SEMA3G: variants seen among roughly 807,000 people sequenced by gnomAD.
SEMA3G encodes the protein semaphorin 3G.
In SEMA3G, 70 loss-of-function variants were observed where a neutral mutation model predicts 86.2. The observed-to-expected ratio is 0.81, with a 90% confidence interval of 0.67 to 0.99. The LOEUF is 0.99. Among genes scored for constraint, SEMA3G ranks in the 50% least tolerant of loss-of-function variants. The pLI, the probability that SEMA3G is intolerant of heterozygous loss-of-function variation, is 0.00. For missense variants in SEMA3G, 1,002 were observed against 1,072.4 expected, an observed-to-expected ratio of 0.93 and a Z score of 0.92; for synonymous variants, 416 against 441.4, an observed-to-expected ratio of 0.94 and a Z score of 0.72.
rs1368266125 is a variant in SEMA3G at position 52,441,423 on chromosome 3, AG to A, written c.668-15del. On this transcript the variant is annotated splice_polypyrimidine_tract_variant and intron_variant, in intron 6 of 15. Transcript: ENST00000231721. ...CAAACCGGGGGTCTGGAAGGGTGAC[AG>A]GGTCATGCTGGGTGGAGGGGCCCCA... 14 of 1,612,378 alleles carry A rather than the reference AG, an allele frequency of 8.7e-6. No homozygotes were observed. Among genetic ancestry groups the A allele is most frequent in the Non-Finnish European group, 1.1e-5 (13 of 1,179,068 alleles).
intron 15 of SEMA3G, 122 bp from the exon 16 acceptor site, chr3:52,436,195 C>T (rs1236522957): frequency 6.9e-7 from 1 of 1,444,040 alleles, no homozygotes; most frequent in Non-Finnish European, 9.1e-7. Context: ...CCCTATTCTC[C>T]CCTTCCCAGG....
At chr3:52,436,887 G>C (rs1310411554) in intron 15 of SEMA3G, among the ~76,000 whole-genome samples, 1 of 152,186 alleles carries the variant, frequency 6.6e-6, no homozygotes, top group Non-Finnish European at 1.5e-5. Context: ...GCTGGAGGGA[G>C]AGCCCCTCCT....
chr3:52,441,034 GC>G lies in SEMA3G; in HGVS notation c.827del (p.Gly276AlafsTer6). 1.3e-6 allele frequency: 2 copies of G among 1,598,486 alleles called. No individual in the cohort carries two copies. ...VGRVCVNDAG[G>X]QRVLVNKWST... ...TCCATTTGTTCACCAGCACCCGCTG[GC>G]CCCCAGCATCATTCTGCAGGATAAG... On this transcript the variant is annotated frameshift_variant, in exon 8 of 16. Coordinates refer to ENST00000231721, the MANE Select transcript of SEMA3G (RefSeq NM_020163.3). LOFTEE classifies it high-confidence loss of function.
At position 52,440,400 on chromosome 3, in the gene SEMA3G, C is replaced by A. The variant is rs372287628; in HGVS notation, c.1120G>T (p.Val374Leu). The A allele has an allele frequency of 2.5e-6, 4 of 1,608,862 alleles. No individual in the cohort carries two copies. Among genetic ancestry groups the A allele is most frequent in the South Asian group, 1.1e-5 (1 of 90,384 alleles). ...QHQWGPYGGKVPFPRPGVCPS... is the reference protein window; with the variant it reads ...QHQWGPYGGKLPFPRPGVCPS... ...ACCACGCCAGGGCGAGGGAAGGGCACCTTGCCCCCATAGGGCCCCCACTGG... is the reference window on the plus strand; with the variant it reads ...ACCACGCCAGGGCGAGGGAAGGGCAACTTGCCCCCATAGGGCCCCCACTGG... Residue 374 changes from valine to leucine, a missense_variant, in exon 10 of 16, where the codon GTG (valine) becomes TTG (leucine). Coordinates refer to ENST00000231721, the MANE Select transcript of SEMA3G (RefSeq NM_020163.3).
At chr3:52,443,065 G>T in intron 1 of SEMA3G, 158 bp from the exon 2 acceptor site, 1 of 1,531,712 alleles carries the variant, frequency 6.5e-7, no homozygotes, top group Non-Finnish European at 8.7e-7. Flanking sequence ...TTCGGACCAT[G>T]GCTCCTGGGG....
chr3:52,443,253 G>A (rs370285703), intron 1 of SEMA3G, among the ~76,000 whole-genome samples: 3 of 152,186 alleles, frequency 2.0e-5, no homozygotes, highest in African/African-American at 7.2e-5. Context: ...AGAGCAAAGT[G>A]CTGGAAGATC....
At position 52,438,091 on chromosome 3, in the gene SEMA3G, A is replaced by G; in HGVS notation, c.1618T>C (p.Cys540Arg). Residue 540 changes from cysteine (C) to arginine (R), a missense_variant, in exon 14 of 16, where the codon TGT becomes CGT. Cys to Arg is a radical substitution (Grantham distance 180). Transcript: ENST00000231721. ...GTACAGGAGGCACCATCCCAGGCAC[A>G]GTATGGGTCCCGGGCCAGGCAGCAC... ...AECCLARDPY[C>R]AWDGASCTHY... 1 of 1,613,278 alleles carries G rather than the reference A, an allele frequency of 6.2e-7. No individual in the cohort carries two copies. The highest frequency in any genetic ancestry group is 8.5e-7 in the Non-Finnish European group (1 of 1,180,008).
rs41292358 is a variant in SEMA3G at position 52,441,596 on chromosome 3, G to C, written c.645C>G (p.Asp215Glu). Residue 215 changes from aspartate to glutamate, a missense_variant, in exon 6 of 16, where the codon GAC becomes GAG. Transcript: ENST00000231721. The stretch of plus-strand genomic sequence containing the variant: ...CACCGTGCAAGAGACTCTGGTCAGA[G>C]TCGGAACGCAGAGCTGGCCGAGGAC... ...SGGPRPALRS[D>E]SDQSLLHDPR... The C allele has an allele frequency of 1.3e-5, 21 of 1,613,514 alleles. No homozygotes were observed. The highest frequency in any genetic ancestry group is 1.8e-5 in the Non-Finnish European group (21 of 1,179,918).
rs992571455 is a variant in SEMA3G at position 52,440,210 on chromosome 3, C to T, written c.1144-112G>A. On this transcript the variant is annotated intron_variant, in intron 10 of 15. Transcript: ENST00000231721. ...GGACCTCTCTCACTGCAGGAGGGCT[C>T]TCCTCTTCCACTACACCCACCCCAC... 5 of 1,208,974 alleles carry T rather than the reference C, an allele frequency of 4.1e-6. No individual in the cohort carries two copies. The African/African-American group carries it at 7.7e-5, about 19-fold the overall frequency. The allele number at this position is 1,208,974 out of a possible 1,614,324, so 74.9% of individuals were successfully genotyped here.
chr3:52,438,473 T>C (rs1262776610), intron 13 of SEMA3G: 1 of 985,356 alleles, frequency 1.0e-6, no homozygotes, highest in Admixed American at 6.1e-5. Flanking sequence ...CTTTGCCCTC[T>C]ATCCCAGGGG....
At position 52,440,578 on chromosome 3, in the gene SEMA3G, C is replaced by G. The variant is rs1001778038; in HGVS notation, c.999-57G>C. Reference sequence around the variant, plus strand: ...GTGGCCATCAAGGACAAGAAGGGAACAGCCTGGTTCCATGGGCAGGACAGA... The same window carrying G: ...GTGGCCATCAAGGACAAGAAGGGAAGAGCCTGGTTCCATGGGCAGGACAGA... On this transcript the variant is annotated intron_variant, in intron 9 of 15. Transcript: ENST00000231721. 1.9e-6 allele frequency: 3 copies of G among 1,562,322 alleles called. No homozygotes were observed. In the South Asian group the frequency reaches 3.6e-5, roughly 19 times the overall value.
intron 14 of SEMA3G, 125 bp downstream of exon 14, chr3:52,437,840 TACACAG>T: frequency 9.0e-7 from 1 of 1,116,164 alleles, no homozygotes; most frequent in Non-Finnish European, 1.3e-6. Flanking sequence ...TAGCAGGAGC[TACACAG>T]AGAGGGAAAC....
chr3:52,436,548 A>G (rs1706052460), intron 15 of SEMA3G, among the ~76,000 whole-genome samples: 1 of 152,222 alleles, frequency 6.6e-6, no homozygotes, highest in Admixed American at 6.5e-5. Flanking sequence ...ATGCACGTGC[A>G]CGCACACACA....
rs767337889 is a variant in SEMA3G, at chr3:52,441,387, G to A, written c.690C>T (p.Ala230=). 35 of 1,613,722 alleles carry A rather than the reference G, an allele frequency of 2.2e-5. No individual in the cohort carries two copies. In the Admixed American group the frequency reaches 4.8e-4, roughly 22 times the overall value. ...CCTGGTCAGAGTTCTCAGGGATCCG[G>A]GCGGCCATCACAAACCGGGGGTCTG... ...LLHDPRFVMA[A]RIPENSDQDN... is the part of the protein sequence containing the mutation. The change falls in exon 7 of 16, where the codon GCC becomes GCT. Residue 230 remains alanine, a synonymous_variant. Transcript: ENST00000231721.
chr3:52,440,692 G>C, intron 9 of SEMA3G, 62 bp downstream of exon 9: 1 of 1,528,398 alleles, frequency 6.5e-7, no homozygotes, highest in South Asian at 1.2e-5. Context: ...ACAGTCACAG[G>C]TCACCGAATC....
At position 52,441,543 on chromosome 3, in the gene SEMA3G, C is replaced by G. The variant is rs767226124; in HGVS notation, c.667+31G>C. 3.1e-6 allele frequency: 5 copies of G among 1,595,656 alleles called. No individual in the cohort carries two copies. The African/African-American group carries it at 6.7e-5, about 21-fold the overall frequency. ...GTCCTAGCTGGGAAGGTAGCCTCTT[C>G]ACCCCTGCCAGTTCCAGGGGCAGGC... On this transcript the variant is annotated intron_variant, in intron 6 of 15. Transcript: ENST00000231721.
At position 52,440,531 on chromosome 3, in the gene SEMA3G, C is replaced by A; in HGVS notation, c.999-10G>T. ...GCCCTGGAACACGGCACTGCCGGGG[C>A]ACATGGGACAGTCAGGCCAGAGTGG... On this transcript the variant is annotated splice_polypyrimidine_tract_variant and intron_variant, in intron 9 of 15. Coordinates refer to ENST00000231721, the MANE Select transcript of SEMA3G (RefSeq NM_020163.3). 1 of 1,604,626 alleles carries A rather than the reference C, an allele frequency of 6.2e-7. No homozygotes were observed.
chr3:52,443,293 C>T (rs942233367), intron 1 of SEMA3G, among the ~76,000 whole-genome samples: 1 of 152,162 alleles, frequency 6.6e-6, no homozygotes, highest in African/African-American at 2.4e-5. Flanking sequence ...CTTTGCAGGC[C>T]GCCTGGCTCA....
At chr3:52,437,464 G>A in intron 15 of SEMA3G, 63 bp downstream of exon 15, 2 of 1,507,874 alleles carry the variant, frequency 1.3e-6, no homozygotes, top group Non-Finnish European at 1.8e-6. Flanking sequence ...CAGGTCTTGG[G>A]GTTCAGGATG....
Sources: gnomAD v4.1 joint callset for allele counts (sites outside exome capture counted in the v4.1 genomes callset) on GRCh38, gnomAD v4.1.1 for gene constraint, MANE v1.5 for transcripts, NCBI Gene and HGNC (gene_info 2026-07-23, HGNC 2026-07-21) for gene names.